RGS3: variants seen among roughly 807,000 people sequenced by gnomAD.
RGS3 encodes regulator of G-protein signalling 3.
Under a neutral mutation model 132.6 loss-of-function variants are expected in RGS3, and 80 were observed. That is an observed-to-expected ratio of 0.60 (90% CI 0.50 to 0.73). The LOEUF (loss-of-function observed/expected upper bound fraction) is 0.73, where lower values mean the gene tolerates loss of function less well. Ranked by LOEUF, RGS3 falls within the 30% of genes least tolerant of loss-of-function variation. The pLI, the probability that RGS3 is intolerant of heterozygous loss-of-function variation, is 0.00. For synonymous variants in RGS3, 598 were observed against 620.6 expected (o/e 0.96, Z 0.54); for missense variants, 1,382 against 1,530.8 (o/e 0.90, Z 1.62).
At chr9:113,595,150 C>A in intron 23 of RGS3, 170 bp downstream of exon 21, 3 of 648,490 alleles carry the variant, frequency 4.6e-6, no homozygotes, top group Non-Finnish European at 8.0e-6. Flanking sequence ...CTTGGTCTGG[C>A]CTTGGAGCCA....
intron 13 of RGS3, 107 bp from the exon 12 acceptor site, chr9:113,508,434 T>A: frequency 1.8e-6 from 2 of 1,114,264 alleles, no homozygotes; most frequent in South Asian, 2.5e-5. Flanking sequence ...TCTTGTGCCC[T>A]GAGGTGCTCC....
intron 4 of RGS3, among the ~76,000 whole-genome samples, chr9:113,481,143 C>T (rs886981091): frequency 6.6e-5 from 10 of 152,246 alleles, no homozygotes; most frequent in African/African-American, 2.4e-4. Flanking sequence ...CATTAAGACT[C>T]AGGAAGGAAG....
At chr9:113,486,155 G>T (rs538693890) in intron 7 of RGS3, among the ~76,000 whole-genome samples, 92 of 152,322 alleles carry the variant, frequency 6.0e-4, no homozygotes, top group Middle Eastern at 6.8e-3. Context: ...GCTGCATGAA[G>T]AAAAGAATGA....
At chr9:113,505,563 CCA>C (rs768491359) in intron 11 of RGS3, 40 bp downstream of exon 9, 1 of 1,523,434 alleles carries the variant, frequency 6.6e-7, no homozygotes, top group Non-Finnish European at 9.1e-7. Flanking sequence ...CACTTGCCCA[CCA>C]CACATGTGGG....
chr9:113,541,936 G>A (rs577178682), intron 19 of RGS3: 2 of 920,312 alleles, frequency 2.2e-6, no homozygotes, highest in South Asian at 5.0e-5. Flanking sequence ...GGATACTGTG[G>A]AGAAAAAGTC....
intron 3 of RGS3, among the ~76,000 whole-genome samples, chr9:113,470,998 A>G (rs1008654042): frequency 3.3e-5 from 5 of 152,136 alleles, no homozygotes; most frequent in African/African-American, 1.2e-4. Flanking sequence ...CAGTATAGGC[A>G]GAGAGTTGTT....
intron 19 of RGS3, among the ~76,000 whole-genome samples, chr9:113,562,738 T>A (rs1419532595): frequency 6.6e-6 from 1 of 152,346 alleles, no homozygotes; most frequent in African/African-American, 2.4e-5. Context: ...CCATCATTTA[T>A]GTACCTCTGA....
intron 1 of RGS3, among the ~76,000 whole-genome samples, chr9:113,452,920 A>G (rs1215940008): frequency 7.3e-6 from 1 of 136,756 alleles, no homozygotes; most frequent in African/African-American, 2.7e-5. Context: ...TTATATATTT[A>G]TATATAATAT....
In RGS3 at chr9:113,482,974, G is replaced by C. The variant is rs1019424209; in HGVS notation, c.467-85G>C. On this transcript the variant is annotated intron_variant, in intron 4 of 24. Transcript: ENST00000350696. ...TCAGGTCTCTTTATTCGTGTGGATG[G>C]ATATGTCTATGTGTGTCTCTCTTTC... 7 of 1,607,208 alleles carry C rather than the reference G, an allele frequency of 4.4e-6. No homozygotes were observed. The Middle Eastern group carries it at 8.3e-4, about 190-fold the overall frequency.
chr9:113,507,495 G>A lies in RGS3; in HGVS notation c.1294G>A (p.Asp432Asn). 1.2e-6 allele frequency: 2 copies of A among 1,612,272 alleles called. No homozygotes were observed. The highest frequency in any genetic ancestry group is 8.5e-7 in the Non-Finnish European group (1 of 1,179,310). ...CTGCCACCTGGTATGTGACAGCTCT[G>A]ATGGGCTGCTGCTCGGCGGCTGGGA... The change falls in exon 13 of 25, where the codon GAT becomes AAT. Residue 432 changes from aspartate (D) to asparagine (N), a missense_variant. Physicochemically the swap from Asp to Asn is conservative, Grantham distance 23 (BLOSUM62 1). Coordinates refer to ENST00000350696, the Ensembl canonical transcript of RGS3. The surrounding 1 kb of genome is among the most constrained non-coding windows in gnomAD (Gnocchi z 5.0).
At chr9:113,492,940 A>G (rs985687101) in intron 7 of RGS3, among the ~76,000 whole-genome samples, 2 of 152,338 alleles carry the variant, frequency 1.3e-5, no homozygotes, top group Admixed American at 6.5e-5. Flanking sequence ...ACACCAGGGA[A>G]TGAAGATTTC....
intron 18 of RGS3, among the ~76,000 whole-genome samples, chr9:113,533,233 G>GTT (rs796998306): frequency 0.053 from 7,458 of 139,560 alleles, 269 homozygotes; most frequent in African/African-American, 0.1. Flanking sequence ...GGAAAATTCT[G>GTT]TTTTTTTTTT....
At chr9:113,484,040 C>T in intron 5 of RGS3, 98 bp from the exon 4 acceptor site, 1 of 724,490 alleles carries the variant, frequency 1.4e-6, no homozygotes, top group African/African-American at 1.7e-5. Context: ...ACTTGAAGGA[C>T]CCTGGGAAGC....
chr9:113,529,649 G>A (rs962425746), intron 18 of RGS3, among the ~76,000 whole-genome samples: 1 of 152,164 alleles, frequency 6.6e-6, no homozygotes, highest in Non-Finnish European at 1.5e-5. Flanking sequence ...TTGCTTCCAC[G>A]TTTTCCAGGA....
chr9:113,490,093 G>C (rs557951891), intron 7 of RGS3, among the ~76,000 whole-genome samples: 109 of 152,320 alleles, frequency 7.2e-4, no homozygotes, highest in African/African-American at 2.5e-3. Context: ...TTGACTAGCT[G>C]TATGACCATG....
intron 1 of RGS3, among the ~76,000 whole-genome samples, chr9:113,447,764 T>A (rs554665593): frequency 1.3e-5 from 2 of 152,208 alleles, no homozygotes; most frequent in Admixed American, 1.3e-4. Flanking sequence ...CATCCAAATC[T>A]ATCCACTTCT....
At chr9:113,541,093 C>G (rs144717961) in intron 19 of RGS3, among the ~76,000 whole-genome samples, 74 of 152,276 alleles carry the variant, frequency 4.9e-4, no homozygotes, top group Middle Eastern at 3.4e-3. Flanking sequence ...TTCCAGGGGC[C>G]CAGGCAGGGA....
At chr9:113,502,151 C>G (rs549999398) in intron 10 of RGS3, among the ~76,000 whole-genome samples, 4 of 152,286 alleles carry the variant, frequency 2.6e-5, no homozygotes, top group Non-Finnish European at 5.9e-5. Flanking sequence ...TCCAACTTTA[C>G]AGTGAGGGTT....
At chr9:113,477,682 C>G (rs1391689172) in intron 3 of RGS3, among the ~76,000 whole-genome samples, 3 of 152,116 alleles carry the variant, frequency 2.0e-5, no homozygotes, top group South Asian at 4.1e-4. Context: ...GAACTAGATC[C>G]GGGCAATGAA....
Sources: gnomAD v4.1 joint callset for allele counts (sites outside exome capture counted in the v4.1 genomes callset) on GRCh38, gnomAD v4.1.1 for gene constraint, Gnocchi (gnomAD v3.1) non-coding constraint, MANE v1.5 for transcripts, NCBI Gene and HGNC (gene_info 2026-07-23, HGNC 2026-07-21) for gene names.